Variants in C11orf52 observed in about 807,000 individuals in gnomAD.
The protein encoded by C11orf52 is uncharacterized protein C11orf52.
A neutral mutation model predicts 11.7 loss-of-function variants in C11orf52; 9 were observed. That is an observed-to-expected ratio of 0.77 (90% confidence interval 0.46 to 1.34). The LOEUF (loss-of-function observed/expected upper bound fraction) is 1.34, where lower values mean the gene tolerates loss of function less well. Among genes scored for constraint, C11orf52 ranks in the 40% most tolerant of loss-of-function variants. The pLI, the probability that C11orf52 is intolerant of heterozygous loss-of-function variation, is 0.00. For missense variants in C11orf52, 139 were observed against 154.8 expected, an observed-to-expected ratio of 0.90 and a Z score of 0.54; for synonymous variants, 49 against 57.4, an observed-to-expected ratio of 0.85 and a Z score of 0.66.
intron 1 of C11orf52, among the ~76,000 whole-genome samples, chr11:111,920,524 C>T (rs57527690): frequency 0.28 from 42,151 of 150,710 alleles, 7,354 homozygotes; most frequent in East Asian, 0.58. Context: ...GGCAACAGAG[C>T]GAGACTATGT....
intron 2 of C11orf52, 122 bp from the exon 3 acceptor site, chr11:111,925,531 G>T: frequency 1.0e-6 from 1 of 961,700 alleles, no homozygotes. Context: ...AAAGAAGTGA[G>T]AATGGAGGCA....
chr11:111,924,329 C>G lies in C11orf52; in HGVS notation c.36C>G (p.Ser12Arg), dbSNP rs1965750818. The change falls in exon 2 of 4, where the codon AGC becomes AGG. Residue 12 changes from serine to arginine, a missense_variant. By Grantham distance (110) the Ser-to-Arg change is moderately radical (BLOSUM62 -1). Coordinates refer to ENST00000278601, the MANE Select transcript of C11orf52 (RefSeq NM_080659.3). ...TGATCTGTTTTTCCTATTACAGGAGCTGCCCATCAACTTTCCAGAAGAAAA... is the reference window on the plus strand; with the variant it reads ...TGATCTGTTTTTCCTATTACAGGAGGTGCCCATCAACTTTCCAGAAGAAAA... Reference protein sequence around the residue: ...GNRVCCGGSWSCPSTFQKKKK... With the variant: ...GNRVCCGGSWRCPSTFQKKKK... The G allele has an allele frequency of 6.2e-7, 1 of 1,613,218 alleles. No homozygotes were observed. The highest frequency in any genetic ancestry group is 1.3e-5 in the African/African-American group (1 of 74,866).
intron 2 of C11orf52, among the ~76,000 whole-genome samples, chr11:111,925,109 G>C (rs1234652152): frequency 6.6e-6 from 1 of 152,052 alleles, no homozygotes; most frequent in Non-Finnish European, 1.5e-5. Context: ...AGGCAAGAGT[G>C]AGACTCTGTC....
At chr11:111,919,962 G>T (rs887456108) in intron 1 of C11orf52, among the ~76,000 whole-genome samples, 1 of 151,844 alleles carries the variant, frequency 6.6e-6, no homozygotes, top group African/African-American at 2.4e-5. Flanking sequence ...TTGGGAGGCC[G>T]AGGCGGGTGG....
chr11:111,925,492 G>A (rs1965778900), intron 2 of C11orf52, among the ~76,000 whole-genome samples, 161 bp from the exon 3 acceptor site: 1 of 152,198 alleles, frequency 6.6e-6, no homozygotes, highest in Non-Finnish European at 1.5e-5. Context: ...ACCCTGCTAA[G>A]GAGTTTGGAT....
chr11:111,924,277 G>A (rs1965749508), intron 1 of C11orf52, 49 bp from the exon 2 acceptor site: 1 of 1,578,530 alleles, frequency 6.3e-7, no homozygotes, highest in South Asian at 1.1e-5. Flanking sequence ...TGGAGGGAAG[G>A]CAGAGGCCAG....
rs1965819806 is a variant in C11orf52, at chr11:111,926,672, G to A, written c.*473G>A. On this transcript the variant is annotated 3_prime_UTR_variant, in exon 4 of 4. Coordinates refer to ENST00000278601, the MANE Select transcript of C11orf52 (RefSeq NM_080659.3). ...CATTCAGACACTAGGGCTGGCTTGG[G>A]CCATTTCCTCAGTGGCTGAGTCAGG... The A allele has an allele frequency of 1.1e-5, 2 of 178,242 alleles. No homozygotes were observed. The highest frequency in any genetic ancestry group is 5.4e-5 in the Admixed American group (1 of 18,436). 11.0% of individuals were successfully genotyped at this position (178,242 alleles called of 1,614,324 possible).
chr11:111,919,764 C>G (rs1212668150), intron 1 of C11orf52, among the ~76,000 whole-genome samples: 1 of 152,190 alleles, frequency 6.6e-6, no homozygotes. Context: ...AACTAACTTG[C>G]CTAAGGTCAC....
At chr11:111,922,420 G>A (rs1201346177) in intron 1 of C11orf52, among the ~76,000 whole-genome samples, 1 of 152,090 alleles carries the variant, frequency 6.6e-6, no homozygotes, top group Admixed American at 6.6e-5. Flanking sequence ...TATTGTTTCT[G>A]ATTACAAAGG....
chr11:111,922,743 T>G (rs1965720955), intron 1 of C11orf52, among the ~76,000 whole-genome samples: 1 of 152,236 alleles, frequency 6.6e-6, no homozygotes, highest in Non-Finnish European at 1.5e-5. Flanking sequence ...GCAATTTAAA[T>G]AATGTTATAA....
rs782433689 is a variant in C11orf52, at chr11:111,918,939, A to G, written c.-34A>G. 3 of 1,613,916 alleles carry G rather than the reference A, an allele frequency of 1.9e-6. No homozygotes were observed. The African/African-American group carries it at 4.0e-5, about 22-fold the overall frequency. ...GAAATGCACAAGCCTCTTGATGCAT[A>G]AAAACAGCTGGGCTCCCTTGGAGAC... is the stretch of plus-strand genomic sequence containing the variant. On this transcript the variant is annotated 5_prime_UTR_variant, in exon 1 of 4. It adds an upstream start codon to the 5' untranslated region. Coordinates refer to ENST00000278601, the MANE Select transcript of C11orf52 (RefSeq NM_080659.3).
At chr11:111,925,362 C>T (rs1411649945) in intron 2 of C11orf52, among the ~76,000 whole-genome samples, 4 of 152,142 alleles carry the variant, frequency 2.6e-5, no homozygotes, top group Non-Finnish European at 5.9e-5. Flanking sequence ...CATCCTTCTA[C>T]CCCCAGAACA....
rs1242848703 is a variant in C11orf52, at chr11:111,926,355, C to T, written c.*156C>T. The T allele has an allele frequency of 1.7e-6, 2 of 1,154,616 alleles. No homozygotes were observed. The highest frequency in any genetic ancestry group is 2.5e-5 in the East Asian group (1 of 40,780). 71.5% of individuals were successfully genotyped at this position (1,154,616 alleles called of 1,614,324 possible). A position where few individuals can be genotyped will look rare whatever the true frequency, so the allele number is the denominator to read the frequency against. ...GGAATTGTGGGCGTCCCATTTTCTCCCCTGGCCTCTTACTTGCCACTGTTA... is the reference window on the plus strand; with the variant it reads ...GGAATTGTGGGCGTCCCATTTTCTCTCCTGGCCTCTTACTTGCCACTGTTA... On this transcript the variant is annotated 3_prime_UTR_variant, in exon 4 of 4. Transcript: ENST00000278601.
intron 1 of C11orf52, among the ~76,000 whole-genome samples, chr11:111,924,002 C>G (rs1019462461): frequency 6.6e-6 from 1 of 152,208 alleles, no homozygotes; most frequent in Non-Finnish European, 1.5e-5. Flanking sequence ...CCCTCACCCT[C>G]TGCTGGGATT....
intron 1 of C11orf52, among the ~76,000 whole-genome samples, chr11:111,921,477 T>TA (rs1555166568): frequency 6.6e-6 from 1 of 152,156 alleles, no homozygotes; most frequent in Non-Finnish European, 1.5e-5. Context: ...ATTAAGTTAG[T>TA]AAAAAAGGCC....
chr11:111,924,351 AAAAAG>A lies in C11orf52; in HGVS notation c.63_67del (p.Lys21AsnfsTer25), dbSNP rs781789507. On this transcript the variant is annotated frameshift_variant, in exon 2 of 4. Transcript: ENST00000278601. LOFTEE classifies it high-confidence loss of function. ...GAGCTGCCCATCAACTTTCCAGAAG[AAAAAG>A]AAAACAGGTAACTTTGGGGCTGGGG... The A allele has an allele frequency of 2.5e-6, 4 of 1,613,700 alleles. No individual in the cohort carries two copies. Among genetic ancestry groups the A allele is most frequent in the African/African-American group, 2.7e-5 (2 of 75,048 alleles).
Position 111,925,634 on chromosome 11 carries a change from T to C in C11orf52, c.71-19T>C. The C allele has an allele frequency of 1.2e-6, 2 of 1,613,550 alleles. No homozygotes were observed. Among genetic ancestry groups the C allele is most frequent in the East Asian group, 2.2e-5 (1 of 44,886 alleles). ...ACAGGGAAGAGAGAATAAACTTAAGTTGGATTTCTTCCCCTCAGGAAGCCA... is the reference window on the plus strand; with the variant it reads ...ACAGGGAAGAGAGAATAAACTTAAGCTGGATTTCTTCCCCTCAGGAAGCCA... On this transcript the variant is annotated intron_variant, in intron 2 of 3. Transcript: ENST00000278601.
Position 111,921,326 on chromosome 11 carries a change from C to T in C11orf52, c.32+2322C>T, listed in dbSNP as rs73560038. ...TAATAAAAGGACATTTGGTCCCTGC[C>T]TTGTTGAGTAAGAAATACCCTGAAG... On this transcript the variant is annotated intron_variant, in intron 1 of 3. Transcript: ENST00000278601. 9.9e-3 allele frequency among the ~76,000 whole-genome samples: 1,507 copies of T among 152,290 alleles called. 45 individuals are homozygous for T. The highest frequency in any genetic ancestry group is 0.035 in the African/African-American group (1,444 of 41,544).
At chr11:111,923,283 C>G (rs1205883458) in intron 1 of C11orf52, among the ~76,000 whole-genome samples, 1 of 152,216 alleles carries the variant, frequency 6.6e-6, no homozygotes, top group Non-Finnish European at 1.5e-5. Flanking sequence ...GACTCAACTG[C>G]TGTCAACTGA....
Sources: gnomAD v4.1 joint callset for allele counts (sites outside exome capture counted in the v4.1 genomes callset) on GRCh38, gnomAD v4.1.1 for gene constraint, MANE v1.5 for transcripts, NCBI Gene and HGNC (gene_info 2026-07-23, HGNC 2026-07-21) for gene names.